Variants in GRHPR observed in about 807,000 individuals in gnomAD.
GRHPR encodes the protein glyoxylate and hydroxypyruvate reductase, also known as glyoxylate reductase/hydroxypyruvate reductase.
A neutral mutation model predicts 36.8 loss-of-function variants in GRHPR; 35 were observed. The observed-to-expected ratio is 0.95, with a 90% CI of 0.73 to 1.26. The LOEUF (loss-of-function observed/expected upper bound fraction) is 1.26, where lower values mean the gene tolerates loss of function less well. Among genes scored for constraint, GRHPR ranks in the 50% most tolerant of loss-of-function variants. GRHPR has a pLI of 0.00. For missense variants in GRHPR, 380 were observed against 435.0 expected (o/e 0.87, Z 1.12); for synonymous variants, 179 against 181.0 (o/e 0.99, Z 0.09).
Position 37,432,035 on chromosome 9 carries a change from G to C in GRHPR, c.762G>C (p.Leu254=). 1 of 1,614,166 alleles carries C rather than the reference G, an allele frequency of 6.2e-7. No individual in the cohort carries two copies. Among genetic ancestry groups the C allele is most frequent in the Non-Finnish European group, 8.5e-7 (1 of 1,179,976 alleles). Residue 254 remains leucine (L), a synonymous_variant, in exon 8 of 9, where the codon CTG becomes CTC. Transcript: ENST00000318158. ...GCGACGTCGTAAACCAGGACGACCT[G>C]TACCAGGCCTTGGCCAGTGGTAAGA... ...SRGDVVNQDD[L]YQALASGKIA...
rs374553871 is a variant in GRHPR at position 37,422,851 on chromosome 9, C to T, written c.83+18C>T. ...GCGGCAGAGTAAGAGCCTCGCGCGC[C>T]GTGGAGGAGGGAGCAGGGCGGTCCC... On this transcript the variant is annotated intron_variant, in intron 1 of 8. Coordinates refer to ENST00000318158, the MANE Select transcript of GRHPR (RefSeq NM_012203.2). 3 of 1,561,722 alleles carry T rather than the reference C, an allele frequency of 1.9e-6. No individual in the cohort carries two copies. Among genetic ancestry groups the T allele is most frequent in the East Asian group, 2.4e-5 (1 of 42,430 alleles).
At chr9:37,434,436 A>T in intron 8 of GRHPR, 1 of 593,078 alleles carries the variant, frequency 1.7e-6, no homozygotes, top group Non-Finnish European at 3.1e-6. Flanking sequence ...TGTGTAGACC[A>T]ATTGGGGCCA....
At chr9:37,431,080 C>T in intron 7 of GRHPR, 1 of 470,114 alleles carries the variant, frequency 2.1e-6, no homozygotes, top group South Asian at 1.6e-5. Flanking sequence ...CGGACAGACC[C>T]TAAAACTCAC....
rs142356700 is a variant in GRHPR, at chr9:37,436,757, C to T, written c.962C>T (p.Pro321Leu). ...TTGCTGGCTGGCCTGAGAGGGGAGC[C>T]GATGCCTAGTGAACTCAAGCTGTAG... Reference protein sequence around the residue: ...NNLLAGLRGEPMPSELKL With the variant: ...NNLLAGLRGELMPSELKL Residue 321 changes from proline (P) to leucine (L), a missense_variant, in exon 9 of 9, where the codon CCG (proline) becomes CTG (leucine). Transcript: ENST00000318158. 8.5e-4 allele frequency: 1,376 copies of T among 1,614,048 alleles called. 8 individuals carry two copies. The African/African-American group carries it at 0.015, about 17-fold the overall frequency.
chr9:37,433,488 C>A (rs930833867), intron 8 of GRHPR, among the ~76,000 whole-genome samples: 2 of 152,156 alleles, frequency 1.3e-5, no homozygotes, highest in African/African-American at 4.8e-5. Flanking sequence ...CCTGCCTCTG[C>A]CTCCCAAAGT....
intron 1 of GRHPR, among the ~76,000 whole-genome samples, chr9:37,424,128 C>T (rs181535480): frequency 1.9e-4 from 29 of 152,310 alleles, no homozygotes; most frequent in Non-Finnish European, 4.0e-4. Context: ...GCCAAGGACC[C>T]ACTTTGTACT....
intron 3 of GRHPR, chr9:37,426,211 C>T: frequency 3.3e-6 from 2 of 608,226 alleles, no homozygotes; most frequent in Non-Finnish European, 5.9e-6. Flanking sequence ...CACCCTTTCA[C>T]ATTCATTATC....
At chr9:37,427,900 A>G (rs1823160430) in intron 4 of GRHPR, 1 of 156,806 alleles carries the variant, frequency 6.4e-6, no homozygotes, top group Admixed American at 6.1e-5. Context: ...GACTGGCCCG[A>G]GTCAAGGTGG....
intron 8 of GRHPR, among the ~76,000 whole-genome samples, chr9:37,433,143 C>T (rs866928298): frequency 3.3e-5 from 5 of 152,194 alleles, no homozygotes; most frequent in South Asian, 2.1e-4. Flanking sequence ...CAGTCAGTGC[C>T]CGTGCCACCG....
intron 8 of GRHPR, among the ~76,000 whole-genome samples, chr9:37,436,115 A>AT (rs1440856622): frequency 2.6e-5 from 4 of 152,068 alleles, no homozygotes; most frequent in East Asian, 1.9e-4. Context: ...TGCGTTCACC[A>AT]TTTTTTTGTT....
intron 8 of GRHPR, chr9:37,432,624 G>A (rs1368648583): frequency 9.4e-6 from 2 of 213,120 alleles, no homozygotes; most frequent in East Asian, 1.2e-4. Context: ...GTTGCAGTAG[G>A]CCGAGATTGT....
chr9:37,426,340 C>T (rs1823073435), intron 3 of GRHPR, 198 bp from the exon 4 acceptor site: 1 of 647,458 alleles, frequency 1.5e-6, no homozygotes, highest in Admixed American at 2.3e-5. Context: ...CCTGATCTTC[C>T]ATCTTCATAT....
At chr9:37,423,319 A>C (rs1293273454) in intron 1 of GRHPR, among the ~76,000 whole-genome samples, 1 of 146,332 alleles carries the variant, frequency 6.8e-6, no homozygotes, top group Non-Finnish European at 1.5e-5. Flanking sequence ...AGGCGCAAAC[A>C]ATCACTACCG....
intron 1 of GRHPR, among the ~76,000 whole-genome samples, chr9:37,424,380 G>C (rs776574938): frequency 6.6e-6 from 1 of 152,384 alleles, no homozygotes; most frequent in Admixed American, 6.5e-5. Context: ...GTGAGCTGCC[G>C]TGGAAGCGTT....
chr9:37,434,632 G>A (rs746626110), intron 8 of GRHPR: 2 of 177,566 alleles, frequency 1.1e-5, no homozygotes, highest in Non-Finnish European at 2.4e-5. Context: ...AGAGTGACAC[G>A]GACCTTTTGC....
upstream of GRHPR, chr9:37,422,655 C>T (rs979428236): frequency 7.6e-5 from 76 of 998,546 alleles, no homozygotes; most frequent in Non-Finnish European, 9.1e-5. Flanking sequence ...CGCGCGACGT[C>T]TCTCCCGCCC....
chr9:37,436,935 T>C lies in GRHPR; in HGVS notation c.*153T>C. ...GATATATGTACTTGTCACATTGGTG[T>C]TGGACACATTTGCGCCAAAAGTATG... On this transcript the variant is annotated 3_prime_UTR_variant, in exon 9 of 9. Coordinates refer to ENST00000318158, the MANE Select transcript of GRHPR (RefSeq NM_012203.2). 1.2e-6 allele frequency: 1 copy of C among 808,638 alleles called. No individual in the cohort carries two copies. The highest frequency in any genetic ancestry group is 2.6e-5 in the East Asian group (1 of 39,100). 50.1% of individuals were successfully genotyped at this position (808,638 alleles called of 1,614,324 possible).
chr9:37,430,557 C>T lies in GRHPR; in HGVS notation c.645C>T (p.Ala215=), dbSNP rs1472299019. ...LAAQSDFIVV[A]CSLTPATEGL... The stretch of plus-strand genomic sequence containing the variant: ...CCCAATCTGATTTCATCGTCGTGGC[C>T]TGCTCCTTAACACCTGCAACCGAGG... Residue 215 remains alanine, a synonymous_variant, in exon 7 of 9, where the codon GCC becomes GCT. Coordinates refer to ENST00000318158, the MANE Select transcript of GRHPR (RefSeq NM_012203.2). 11 of 1,613,548 alleles carry T rather than the reference C, an allele frequency of 6.8e-6. No individual in the cohort carries two copies. The highest frequency in any genetic ancestry group is 1.3e-5 in the African/African-American group (1 of 74,920).
chr9:37,430,999 G>T (rs547067965), intron 7 of GRHPR: 1 of 486,312 alleles, frequency 2.1e-6, no homozygotes, highest in Non-Finnish European at 4.2e-6. Flanking sequence ...TCTGGAGGCC[G>T]CCTCCCACAC....
Sources: allele counts gnomAD v4.1 joint callset (sites outside exome capture counted in the v4.1 genomes callset), GRCh38; gene constraint gnomAD v4.1.1; transcripts MANE v1.5; gene names NCBI Gene and HGNC (gene_info 2026-07-23, HGNC 2026-07-21).